Variants in WWC2 observed in about 807,000 individuals in gnomAD.
WWC2 encodes protein WWC2.
Under a neutral mutation model 138.5 loss-of-function variants are expected in WWC2, and 101 were observed. That is an observed-to-expected ratio of 0.73 (90% confidence interval 0.62 to 0.86). The LOEUF (loss-of-function observed/expected upper bound fraction) is 0.86, where lower values mean the gene tolerates loss of function less well. WWC2 is among the 40% of genes least tolerant of loss of function. The pLI is 0.00. For missense variants in WWC2, 1,420 were observed against 1,419.4 expected, an observed-to-expected ratio of 1.00 and a Z score of -0.01; for synonymous variants, 558 against 538.4, an observed-to-expected ratio of 1.04 and a Z score of -0.50.
chr4:183,165,610 C>A (rs6552645), intron 1 of WWC2, among the ~76,000 whole-genome samples: 1 of 152,178 alleles, frequency 6.6e-6, no homozygotes, highest in African/African-American at 2.4e-5. Context: ...TTTCCTGTTA[C>A]ATAAATGCTA....
At chr4:183,136,732 CA>C (rs1208634659) in intron 1 of WWC2, among the ~76,000 whole-genome samples, 1 of 152,168 alleles carries the variant, frequency 6.6e-6, no homozygotes, top group African/African-American at 2.4e-5. Context: ...GATATTTTTG[CA>C]AAATTTTTTT....
intron 4 of WWC2, among the ~76,000 whole-genome samples, chr4:183,229,453 G>GAGTA (rs1736176656): frequency 6.6e-6 from 1 of 151,982 alleles, no homozygotes; most frequent in Non-Finnish European, 1.5e-5. Flanking sequence ...TGGATCCAGT[G>GAGTA]AGTATCTCCT....
At chr4:183,229,164 C>A (rs1161694454) in intron 4 of WWC2, among the ~76,000 whole-genome samples, 1 of 152,096 alleles carries the variant, frequency 6.6e-6, no homozygotes, top group Non-Finnish European at 1.5e-5. Flanking sequence ...TTCGAGGACA[C>A]TCGCTGAGTT....
chr4:183,253,339 A>G (rs1737035133), intron 8 of WWC2, among the ~76,000 whole-genome samples: 1 of 152,160 alleles, frequency 6.6e-6, no homozygotes, highest in African/African-American at 2.4e-5. Context: ...TAGTGATGGC[A>G]TCTCAGACAT....
chr4:183,235,746 T>C (rs1395489146), intron 4 of WWC2, among the ~76,000 whole-genome samples: 2 of 152,234 alleles, frequency 1.3e-5, no homozygotes, highest in African/African-American at 2.4e-5. Context: ...AATGGACATT[T>C]AGAGTATTTC....
chr4:183,153,000 A>G (rs1733688662), intron 1 of WWC2, among the ~76,000 whole-genome samples: 1 of 152,136 alleles, frequency 6.6e-6, no homozygotes, highest in Admixed American at 6.5e-5. Context: ...GGCTCAAGTG[A>G]TCCTCCTGTC....
intron 1 of WWC2, among the ~76,000 whole-genome samples, chr4:183,137,908 A>T (rs527769626): frequency 6.6e-6 from 1 of 152,232 alleles, no homozygotes; most frequent in African/African-American, 2.4e-5. Context: ...TGTTCTTGAT[A>T]CCTTTGTTTC....
chr4:183,107,115 C>CTCTCTTCTCTTTCCTTCTCT (rs1247094652), intron 1 of WWC2, among the ~76,000 whole-genome samples: 29 of 152,120 alleles, frequency 1.9e-4, no homozygotes, highest in African/African-American at 6.7e-4. Flanking sequence ...CTTTCTGTCT[C>CTCTCTTCTCTTTCCTTCTCT]TCTCTTCTCT....
intron 4 of WWC2, among the ~76,000 whole-genome samples, chr4:183,223,919 C>G (rs889246805): frequency 3.3e-5 from 5 of 152,008 alleles, no homozygotes; most frequent in Admixed American, 1.3e-4. Context: ...TTAGTAGAGA[C>G]AGGATTTAGC....
chr4:183,249,284 T>C (rs1736899632), intron 7 of WWC2, among the ~76,000 whole-genome samples: 1 of 152,210 alleles, frequency 6.6e-6, no homozygotes, highest in African/African-American at 2.4e-5. Flanking sequence ...TATTAAAATG[T>C]TTAATTTGTG....
chr4:183,186,094 C>T (rs1734792251), intron 1 of WWC2, among the ~76,000 whole-genome samples: 4 of 151,834 alleles, frequency 2.6e-5, no homozygotes, highest in Non-Finnish European at 4.4e-5. Flanking sequence ...ACTACGAGCG[C>T]CCCCCACCAC....
intron 1 of WWC2, among the ~76,000 whole-genome samples, chr4:183,146,486 A>G (rs949913939): frequency 2.6e-5 from 4 of 152,206 alleles, no homozygotes; most frequent in Middle Eastern, 3.2e-3. Flanking sequence ...AGCTTTGACA[A>G]TGAGATGTAT....
chr4:183,131,724 C>T (rs1230209350), intron 1 of WWC2, among the ~76,000 whole-genome samples: 2 of 152,094 alleles, frequency 1.3e-5, no homozygotes, highest in Non-Finnish European at 2.9e-5. Flanking sequence ...CTCATTTGTG[C>T]TTGCGCATTT....
intron 1 of WWC2, among the ~76,000 whole-genome samples, chr4:183,188,675 C>T (rs1305573549): frequency 2.2e-5 from 3 of 136,030 alleles, no homozygotes; most frequent in South Asian, 2.3e-4. Context: ...GACGAAGTCT[C>T]GCTCTTGTCC....
Position 183,274,207 on chromosome 4 carries a change from C to A in WWC2, c.2562+2966C>A, listed in dbSNP as rs1737782174. ...AAAGATTATTTTGGCTATTCAGAGT[C>A]CCTTGCATTTCCATAAGAGTTTTAG... On this transcript the variant is annotated intron_variant, in intron 16 of 22. Transcript: ENST00000403733. Among the ~76,000 whole-genome samples, 3 of 152,252 alleles carry A rather than the reference C, an allele frequency of 2.0e-5. No homozygotes were observed. The South Asian group carries it at 6.2e-4, about 32-fold the overall frequency.
At chr4:183,269,669 A>G (rs750835125) in intron 15 of WWC2, 6 of 359,430 alleles carry the variant, frequency 1.7e-5, no homozygotes, top group African/African-American at 1.1e-4. Context: ...ATATCCCCAC[A>G]TAATTACATA....
intron 9 of WWC2, among the ~76,000 whole-genome samples, chr4:183,258,071 T>A (rs1737205616): frequency 6.6e-6 from 1 of 152,214 alleles, no homozygotes; most frequent in African/African-American, 2.4e-5. Flanking sequence ...GACGTCATCC[T>A]GGTGCCTCCT....
At chr4:183,295,454 G>C (rs1048641953) in intron 21 of WWC2, among the ~76,000 whole-genome samples, 1 of 152,208 alleles carries the variant, frequency 6.6e-6, no homozygotes, top group South Asian at 2.1e-4. Context: ...AATCTGACTG[G>C]TGGGCACTGT....
intron 1 of WWC2, among the ~76,000 whole-genome samples, chr4:183,168,157 T>A (rs921886702): frequency 1.7e-5 from 2 of 117,064 alleles, no homozygotes; most frequent in African/African-American, 3.2e-5. Context: ...CCCGGCTGAC[T>A]TTTTTTCTTT....
Sources: gnomAD v4.1 joint callset for allele counts (sites outside exome capture counted in the v4.1 genomes callset) on GRCh38, gnomAD v4.1.1 for gene constraint, MANE v1.5 for transcripts, NCBI Gene and HGNC (gene_info 2026-07-23, HGNC 2026-07-21) for gene names.